LMAN2: variants seen among roughly 807,000 people sequenced by gnomAD.
The protein encoded by LMAN2 is lectin, mannose binding 2, also known as vesicular integral-membrane protein VIP36.
Under a neutral mutation model 39.3 loss-of-function variants are expected in LMAN2, and 22 were observed. That is an observed-to-expected ratio of 0.56 (90% CI 0.40 to 0.80). LMAN2 has a LOEUF of 0.80. LMAN2 is among the 30% of genes least tolerant of loss of function. The probability of loss-of-function intolerance (pLI) is 0.00; values close to 1 mark genes in which losing one functional copy is unlikely to be tolerated. For missense variants in LMAN2, 494 were observed against 505.4 expected (o/e 0.98, Z 0.22); for synonymous variants, 207 against 207.8 (o/e 1.00, Z 0.03).
rs531437345 is a variant in LMAN2 at position 177,350,621 on chromosome 5, G to A, written c.315+552C>T. ...AGTCAAGTACATCGAGTGAACTGCT[G>A]GGCTTAGAGATCAGACAAATCAGAG... On this transcript the variant is annotated intron_variant, in intron 2 of 7. Coordinates refer to ENST00000303127, the MANE Select transcript of LMAN2 (RefSeq NM_006816.3). 4.3e-4 allele frequency among the ~76,000 whole-genome samples: 65 copies of A among 152,318 alleles called. No homozygotes were observed. In the South Asian group the frequency reaches 9.3e-3, roughly 22 times the overall value.
rs773683887 is a variant in LMAN2, at chr5:177,351,528, C to G, written c.120G>C (p.Gly40=). Residue 40 remains glycine (G), a synonymous_variant, in exon 1 of 8, where the codon GGG becomes GGC. Coordinates refer to ENST00000303127, the MANE Select transcript of LMAN2 (RefSeq NM_006816.3). ...TTPLFLLLLL[G]SVTADITDGN... ...CGTCAGTTATATCCGCAGTCACAGA[C>G]CCCAACAACAAAAGAAGAAAGAGAG... 6.2e-7 allele frequency: 1 copy of G among 1,614,254 alleles called. No individual in the cohort carries two copies. Among genetic ancestry groups the G allele is most frequent in the Admixed American group, 1.7e-5 (1 of 60,032 alleles).
intron 2 of LMAN2, chr5:177,346,384 G>A (rs1581606205): frequency 1.4e-6 from 1 of 737,950 alleles, no homozygotes; most frequent in East Asian, 3.8e-5. Flanking sequence ...CATCAGTATT[G>A]AGCCAGGAGT....
chr5:177,337,594 C>G lies in LMAN2; in HGVS notation c.514-70G>C, dbSNP rs780687832. The stretch of plus-strand genomic sequence containing the variant: ...GGGCGAGCAGGGGCACCCACCACCC[C>G]AATCCCTGGAGGCTCCTCTTGTGCT... On this transcript the variant is annotated intron_variant, in intron 4 of 7. Transcript: ENST00000303127. The surrounding 1 kb of genome is among the most constrained non-coding windows in gnomAD (Gnocchi z 8.2). 1.5e-4 allele frequency: 246 copies of G among 1,606,970 alleles called. No individual in the cohort carries two copies. Among genetic ancestry groups the G allele is most frequent in the Middle Eastern group, 6.8e-4 (4 of 5,918 alleles).
Position 177,332,151 on chromosome 5 carries a change from C to T in LMAN2, c.1006G>A (p.Val336Ile). Residue 336 changes from valine (V) to isoleucine (I), a missense_variant, in exon 8 of 8, where the codon GTC (valine) becomes ATC (isoleucine). Val to Ile is a conservative substitution (Grantham distance 29). Coordinates refer to ENST00000303127, the MANE Select transcript of LMAN2 (RefSeq NM_006816.3). This position sits in a 1 kb window ranked among gnomAD's most constrained non-coding sequence, Gnocchi z 6.3. ...LLLCALLGIV[V>I]CAVVGAVVFQ... The stretch of plus-strand genomic sequence containing the variant: ...ACCACGGCCCCCACCACGGCGCAGA[C>T]AACGATGCCCAGGAGAGCGCACAGC... 2 of 1,613,670 alleles carry T rather than the reference C, an allele frequency of 1.2e-6. No homozygotes were observed. Among genetic ancestry groups the T allele is most frequent in the South Asian group, 1.1e-5 (1 of 91,084 alleles).
Position 177,332,130 on chromosome 5 carries a change from C to G in LMAN2, c.1027G>C (p.Val343Leu). ...CGCTCCTGCCGCTTCTGGAACACCACGGCCCCCACCACGGCGCAGACAACG... is the reference window on the plus strand; with the variant it reads ...CGCTCCTGCCGCTTCTGGAACACCAGGGCCCCCACCACGGCGCAGACAACG... ...GIVVCAVVGA[V>L]VFQKRQERNK... The change falls in exon 8 of 8, where the codon GTG (valine) becomes CTG (leucine). Residue 343 changes from valine (V) to leucine (L), a missense_variant. Coordinates refer to ENST00000303127, the MANE Select transcript of LMAN2 (RefSeq NM_006816.3). This position sits in a 1 kb window ranked among gnomAD's most constrained non-coding sequence, Gnocchi z 6.3. The G allele has an allele frequency of 6.2e-7, 1 of 1,613,594 alleles. No individual in the cohort carries two copies. The highest frequency in any genetic ancestry group is 8.5e-7 in the Non-Finnish European group (1 of 1,179,906).
chr5:177,344,070 T>C (rs1258942608), intron 2 of LMAN2, among the ~76,000 whole-genome samples: 1 of 150,382 alleles, frequency 6.6e-6, no homozygotes, highest in Admixed American at 6.6e-5. Flanking sequence ...AAAAAAAAAT[T>C]AGCCAGGCAC....
intron 6 of LMAN2, chr5:177,336,933 G>C: frequency 3.4e-6 from 2 of 588,634 alleles, no homozygotes. Context: ...ACAGAAGAAA[G>C]GAGGAGGAGG....
rs547673254 is a variant in LMAN2, at chr5:177,351,297, G to C, written c.197-6C>G. ...CATAGAGCTGGAACCGACCCCTGTG[G>C]GAAGAGACAGGTGCTAAGAGGCCAC... On this transcript the variant is annotated splice_polypyrimidine_tract_variant and splice_region_variant and intron_variant, in intron 1 of 7. Coordinates refer to ENST00000303127, the MANE Select transcript of LMAN2 (RefSeq NM_006816.3). 1.7e-5 allele frequency: 27 copies of C among 1,613,658 alleles called. No homozygotes were observed. In the East Asian group the frequency reaches 5.6e-4, roughly 33 times the overall value.
intron 2 of LMAN2, among the ~76,000 whole-genome samples, chr5:177,350,741 A>G (rs1428553780): frequency 6.6e-6 from 1 of 152,252 alleles, no homozygotes; most frequent in Non-Finnish European, 1.5e-5. Context: ...ATTAAATGCA[A>G]TAAGGCATGG....
At chr5:177,334,525 G>A in intron 6 of LMAN2, 122 bp from the exon 7 acceptor site, 2 of 1,357,602 alleles carry the variant, frequency 1.5e-6, no homozygotes, top group East Asian at 5.1e-5. Flanking sequence ...CCTGGGGAGA[G>A]CACTGCCCAG....
chr5:177,351,287 G>T lies in LMAN2; in HGVS notation c.201C>A (p.Val67=). Residue 67 remains valine (V), a synonymous_variant, in exon 2 of 8, where the codon GTC becomes GTA. Transcript: ENST00000303127. ...CCCAGAGGGGCATAGAGCTGGAACC[G>T]ACCCCTGTGGGAAGAGACAGGTGCT... is the stretch of plus-strand genomic sequence containing the variant. ...EHSLIKPYQG[V]GSSSMPLWDF... is the part of the protein sequence containing the mutation. The T allele has an allele frequency of 6.2e-7, 1 of 1,613,834 alleles. No homozygotes were observed. Among genetic ancestry groups the T allele is most frequent in the South Asian group, 1.1e-5 (1 of 91,036 alleles).
chr5:177,341,345 C>T (rs1013102198), intron 2 of LMAN2, among the ~76,000 whole-genome samples: 9 of 151,734 alleles, frequency 5.9e-5, no homozygotes, highest in Admixed American at 1.3e-4. Flanking sequence ...GGATTACAGG[C>T]GTGAGCCACC....
Position 177,332,928 on chromosome 5 carries a change from C to A in LMAN2, c.911-682G>T, listed in dbSNP as rs914947729. On this transcript the variant is annotated intron_variant, in intron 7 of 7. Transcript: ENST00000303127. This position sits in a 1 kb window ranked among gnomAD's most constrained non-coding sequence, Gnocchi z 6.3. Reference sequence around the variant, plus strand: ...GCCTCCCTCCCTGACTGCGGCCCCCCCGACTCCACACTGTACAGTCTCCTC... The same window carrying A: ...GCCTCCCTCCCTGACTGCGGCCCCCACGACTCCACACTGTACAGTCTCCTC... Among the ~76,000 whole-genome samples, 3 of 152,190 alleles carry A rather than the reference C, an allele frequency of 2.0e-5. No individual in the cohort carries two copies. The highest frequency in any genetic ancestry group is 7.2e-5 in the African/African-American group (3 of 41,456).
Position 177,337,277 on chromosome 5 carries a change from T to A in LMAN2, c.676-27A>T. 1 of 1,613,158 alleles carries A rather than the reference T, an allele frequency of 6.2e-7. No individual in the cohort carries two copies. Among genetic ancestry groups the A allele is most frequent in the Admixed American group, 1.7e-5 (1 of 59,998 alleles). On this transcript the variant is annotated intron_variant, in intron 5 of 7. Coordinates refer to ENST00000303127, the MANE Select transcript of LMAN2 (RefSeq NM_006816.3). This position sits in a 1 kb window ranked among gnomAD's most constrained non-coding sequence, Gnocchi z 8.2. ...TGCAGGGCCCAGCACGCTAAGCACCTCGCAGGACAGCAGCCTGCCCTCCTG... is the reference window on the plus strand; with the variant it reads ...TGCAGGGCCCAGCACGCTAAGCACCACGCAGGACAGCAGCCTGCCCTCCTG...
At chr5:177,350,856 T>A (rs1761711366) in intron 2 of LMAN2, among the ~76,000 whole-genome samples, 1 of 152,172 alleles carries the variant, frequency 6.6e-6, no homozygotes, top group Non-Finnish European at 1.5e-5. Flanking sequence ...ACAGTTCCAC[T>A]ACTTTCTGGC....
chr5:177,338,539 G>C lies in LMAN2; in HGVS notation c.382C>G (p.Leu128Val). Residue 128 changes from leucine (L) to valine (V), a missense_variant, in exon 3 of 8, where the codon CTC becomes GTC. Transcript: ENST00000303127. ...CACAAGGCGATGCCGTCTCCATGGAGGTTCTTCTTCCCTGTGCCGTGGACT... is the reference window on the plus strand; with the variant it reads ...CACAAGGCGATGCCGTCTCCATGGACGTTCTTCTTCCCTGTGCCGTGGACT... The part of the protein sequence containing the change: ...FKVHGTGKKN[L>V]HGDGIALWYT... 4 of 1,614,272 alleles carry C rather than the reference G, an allele frequency of 2.5e-6. No individual in the cohort carries two copies. In the South Asian group the frequency reaches 4.4e-5, roughly 18 times the overall value.
intron 2 of LMAN2, among the ~76,000 whole-genome samples, chr5:177,349,980 G>C: frequency 6.6e-6 from 1 of 152,290 alleles, no homozygotes; most frequent in Middle Eastern, 3.4e-3. Flanking sequence ...AGCCAGGGGG[G>C]GCTGGAACAA....
In LMAN2 at chr5:177,337,831, G is replaced by T. The variant is rs200117951; in HGVS notation, c.434-46C>A. The T allele has an allele frequency of 6.4e-7, 1 of 1,559,814 alleles. No homozygotes were observed. Among genetic ancestry groups the T allele is most frequent in the Admixed American group, 1.7e-5 (1 of 57,296 alleles). ...TCTCAGAATGGGAGAAACAGGAGCCGTCCCATGGGTACCTAAAAGGCAAGC... is the reference window on the plus strand; with the variant it reads ...TCTCAGAATGGGAGAAACAGGAGCCTTCCCATGGGTACCTAAAAGGCAAGC... On this transcript the variant is annotated intron_variant, in intron 3 of 7. Transcript: ENST00000303127. The surrounding 1 kb of genome is among the most constrained non-coding windows in gnomAD (Gnocchi z 8.2).
chr5:177,333,182 C>T (rs921699636), intron 7 of LMAN2, among the ~76,000 whole-genome samples: 2 of 152,256 alleles, frequency 1.3e-5, no homozygotes, highest in African/African-American at 4.8e-5. Flanking sequence ...AGCCACTCAG[C>T]CTCAGGGCTC....
Sources: gnomAD v4.1 joint callset for allele counts (sites outside exome capture counted in the v4.1 genomes callset) on GRCh38, gnomAD v4.1.1 for gene constraint, Gnocchi (gnomAD v3.1) non-coding constraint, MANE v1.5 for transcripts, NCBI Gene and HGNC (gene_info 2026-07-23, HGNC 2026-07-21) for gene names.